Variants in LINGO2 observed in about 807,000 individuals in gnomAD.
LINGO2 encodes the protein leucine-rich repeat and immunoglobulin-like domain-containing nogo receptor-interacting protein 2.
In LINGO2, 14 loss-of-function variants were observed where a neutral mutation model predicts 30.6. The observed-to-expected ratio is 0.46, with a 90% confidence interval of 0.30 to 0.72. The LOEUF (loss-of-function observed/expected upper bound fraction) is 0.72, where lower values mean the gene tolerates loss of function less well. Among genes scored for constraint, LINGO2 ranks in the 30% least tolerant of loss-of-function variants. The pLI is 0.07. For missense variants in LINGO2, 729 were observed against 751.7 expected (o/e 0.97, Z 0.35); for synonymous variants, 317 against 288.5 (o/e 1.10, Z -1.00).
chr9:28,682,019 G>T, the LINGO2 span, among the ~76,000 whole-genome samples: 1 of 152,150 alleles, frequency 6.6e-6, no homozygotes, highest in African/African-American at 2.4e-5. Context: ...AATGGCAGCA[G>T]AACTTTGGCT....
chr9:28,580,199 A>C (rs1218335643), intron 1 of LINGO2, among the ~76,000 whole-genome samples: 1 of 152,092 alleles, frequency 6.6e-6, no homozygotes, highest in Admixed American at 6.6e-5. Context: ...GGAATATCAT[A>C]TACCAGTACA....
At chr9:29,196,757 T>C in the LINGO2 span, among the ~76,000 whole-genome samples, 2 of 152,088 alleles carry the variant, frequency 1.3e-5, no homozygotes, top group Admixed American at 1.3e-4. Flanking sequence ...ATGAGTAGTA[T>C]ATGAAAAATT....
At chr9:28,850,329 A>G in the LINGO2 span, among the ~76,000 whole-genome samples, 3 of 151,920 alleles carry the variant, frequency 2.0e-5, no homozygotes, top group African/African-American at 7.2e-5. Context: ...TCAGACGGAG[A>G]GATATAGCTG....
the LINGO2 span, among the ~76,000 whole-genome samples, chr9:29,179,902 G>T: frequency 2.6e-5 from 4 of 152,158 alleles, no homozygotes; most frequent in African/African-American, 9.7e-5. Context: ...AGGAACTTCT[G>T]AAGTTTTACA....
the LINGO2 span, among the ~76,000 whole-genome samples, chr9:29,008,649 G>C: frequency 1.3e-5 from 2 of 152,088 alleles, no homozygotes; most frequent in Non-Finnish European, 1.5e-5. Context: ...TCTCATTGTG[G>C]TTTTGATTTG....
At chr9:28,540,690 T>G (rs2135460800) in intron 1 of LINGO2, among the ~76,000 whole-genome samples, 1 of 152,330 alleles carries the variant, frequency 6.6e-6, no homozygotes, top group South Asian at 2.1e-4. Context: ...TCACTAGGAC[T>G]TAGATATAAA....
At chr9:28,713,133 C>A in the LINGO2 span, among the ~76,000 whole-genome samples, 1 of 151,958 alleles carries the variant, frequency 6.6e-6, no homozygotes, top group African/African-American at 2.4e-5. Context: ...TAAAGTGCTG[C>A]GATTACAGGT....
chr9:28,181,097 T>C (rs1828898181), intron 4 of LINGO2, among the ~76,000 whole-genome samples: 1 of 152,104 alleles, frequency 6.6e-6, no homozygotes, highest in South Asian at 2.1e-4. Flanking sequence ...CTGTTACAGC[T>C]GGCCAAAAGA....
intron 3 of LINGO2, among the ~76,000 whole-genome samples, chr9:28,312,190 T>A (rs1468617716): frequency 2.0e-5 from 3 of 151,398 alleles, no homozygotes; most frequent in Non-Finnish European, 4.4e-5. Flanking sequence ...AATTGTCTGG[T>A]CAATCTTTTT....
chr9:27,994,965 T>C (rs549062141), intron 5 of LINGO2, among the ~76,000 whole-genome samples: 2 of 152,258 alleles, frequency 1.3e-5, no homozygotes, highest in African/African-American at 4.8e-5. Flanking sequence ...TCTTTTTGGC[T>C]AAATTAGTCA....
chr9:28,840,678 A>T, the LINGO2 span, among the ~76,000 whole-genome samples: 1 of 151,848 alleles, frequency 6.6e-6, no homozygotes, highest in East Asian at 1.9e-4. Flanking sequence ...CACCAAATAA[A>T]AGTTAATTAA....
chr9:27,946,702 G>A (rs1355282400), downstream of LINGO2, among the ~76,000 whole-genome samples: 1 of 152,126 alleles, frequency 6.6e-6, no homozygotes, highest in African/African-American at 2.4e-5. Context: ...GATAGAGTTT[G>A]CAGCAGAGCT....
chr9:29,109,204 A>G, the LINGO2 span, among the ~76,000 whole-genome samples: 1 of 152,120 alleles, frequency 6.6e-6, no homozygotes, highest in Non-Finnish European at 1.5e-5. Context: ...ATTTATTTCC[A>G]CCTGCATAAT....
intron 4 of LINGO2, among the ~76,000 whole-genome samples, chr9:28,144,808 C>T (rs1272689513): frequency 6.6e-6 from 1 of 152,122 alleles, no homozygotes; most frequent in African/African-American, 2.4e-5. Flanking sequence ...CTATGCAAGA[C>T]AGTATATGTG....
chr9:28,957,109 C>G, the LINGO2 span, among the ~76,000 whole-genome samples: 2 of 152,144 alleles, frequency 1.3e-5, no homozygotes, highest in South Asian at 4.1e-4. Context: ...TATTCAGAAG[C>G]CTGGCAGTTG....
the LINGO2 span, among the ~76,000 whole-genome samples, chr9:28,842,961 CA>C: frequency 1.4e-4 from 21 of 151,676 alleles, no homozygotes; most frequent in African/African-American, 5.1e-4. Context: ...AATTAGAAGA[CA>C]GAAATTAATA....
intron 5 of LINGO2, among the ~76,000 whole-genome samples, chr9:27,958,056 T>C (rs117376961): frequency 0.012 from 1,824 of 152,316 alleles, 20 homozygotes; most frequent in Non-Finnish European, 0.018. Flanking sequence ...TATTTGGTTT[T>C]TCACCATTAA....
the LINGO2 span, among the ~76,000 whole-genome samples, chr9:29,110,920 A>T: frequency 6.7e-6 from 1 of 150,068 alleles, no homozygotes; most frequent in South Asian, 2.1e-4. Flanking sequence ...TGATCTCTTC[A>T]CCTCGTGATC....
chr9:28,542,184 G>A (rs1587828843), intron 1 of LINGO2, among the ~76,000 whole-genome samples: 2 of 151,538 alleles, frequency 1.3e-5, no homozygotes, highest in Admixed American at 1.3e-4. Flanking sequence ...GCAATGGATG[G>A]AAATGGCCAT....
Sources: gnomAD v4.1 joint callset for allele counts (sites outside exome capture counted in the v4.1 genomes callset) on GRCh38, gnomAD v4.1.1 for gene constraint, MANE v1.5 for transcripts, NCBI Gene and HGNC (gene_info 2026-07-23, HGNC 2026-07-21) for gene names.